PTCD2: variants seen among roughly 807,000 people sequenced by gnomAD.
PTCD2 encodes the protein pentatricopeptide repeat domain 2.
A neutral mutation model predicts 42.6 loss-of-function variants in PTCD2; 31 were observed. The ratio of observed to expected loss-of-function variants is 0.73; its 90% CI spans 0.55 to 0.98. The LOEUF is 0.98. Among genes scored for constraint, PTCD2 ranks in the 50% least tolerant of loss-of-function variants. The pLI, the probability that PTCD2 is intolerant of heterozygous loss-of-function variation, is 0.00. For synonymous variants in PTCD2, 183 were observed against 170.9 expected, an observed-to-expected ratio of 1.07 and a Z score of -0.55; for missense variants, 476 against 454.8, an observed-to-expected ratio of 1.05 and a Z score of -0.42.
intron 8 of PTCD2, among the ~76,000 whole-genome samples, chr5:72,345,700 TC>T (rs1752325052): frequency 2.0e-5 from 3 of 152,376 alleles, no homozygotes; most frequent in South Asian, 2.1e-4. Context: ...GTTCCTGACT[TC>T]CTGCAACAAA....
In PTCD2 at chr5:72,343,015, C is replaced by A; in HGVS notation, c.807C>A (p.Ser269Arg). The part of the protein sequence containing the change: ...SIFSQIMNPE[S>R]IACINLNIII... ...TTTCTCAAATCATGAATCCAGAAAG[C>A]ATAGCCTGCATTAATTTAAATGTAA... The change falls in exon 8 of 10, where the codon AGC (serine) becomes AGA (arginine). Residue 269 changes from serine to arginine, a missense_variant. Physicochemically the swap from Ser to Arg is moderately radical, Grantham distance 110 (BLOSUM62 -1). Coordinates refer to ENST00000380639, the MANE Select transcript of PTCD2 (RefSeq NM_024754.5). The A allele has an allele frequency of 6.3e-7, 1 of 1,591,908 alleles. No homozygotes were observed. The highest frequency in any genetic ancestry group is 8.6e-7 in the Non-Finnish European group (1 of 1,166,942).
intron 8 of PTCD2, among the ~76,000 whole-genome samples, chr5:72,348,622 C>G (rs1752475972): frequency 2.0e-5 from 3 of 152,334 alleles, no homozygotes; most frequent in South Asian, 2.1e-4. Flanking sequence ...AACATAGACC[C>G]TCTTTAGCAA....
rs574481615 is a variant in PTCD2 at position 72,361,324 on chromosome 5, T to C, written c.*2897T>C. 1 of 152,176 alleles carries C rather than the reference T, an allele frequency of 6.6e-6. No individual in the cohort carries two copies. Among genetic ancestry groups the C allele is most frequent in the Non-Finnish European group, 1.5e-5 (1 of 68,030 alleles). The allele number at this position is 152,176 out of a possible 1,614,324, so 9.4% of individuals were successfully genotyped here. On this transcript the variant is annotated 3_prime_UTR_variant, in exon 10 of 10. Transcript: ENST00000380639. ...TCTTATTCGGGTTCTCATGCAGTTA[T>C]AGTCATCATCAGATTGTGGCCGCGA...
intron 4 of PTCD2, among the ~76,000 whole-genome samples, chr5:72,334,739 CG>C (rs1484963802): frequency 1.3e-5 from 2 of 151,894 alleles, no homozygotes; most frequent in Non-Finnish European, 2.9e-5. Flanking sequence ...TTAGTAGAGA[CG>C]GGGTTTCACC....
chr5:72,333,737 A>G (rs1345485081), intron 4 of PTCD2, among the ~76,000 whole-genome samples: 2 of 152,258 alleles, frequency 1.3e-5, no homozygotes, highest in Non-Finnish European at 2.9e-5. Context: ...AAAATTGCCT[A>G]AAGAATAGGT....
At position 72,367,240 on chromosome 5, in the gene PTCD2, A is replaced by G. The variant is rs1166461090; in HGVS notation, c.*8813A>G. ...TCCCATTATCATGAAACTTTAATATATATTGAGACTTCACAGAGCACTAAC... is the reference window on the plus strand; with the variant it reads ...TCCCATTATCATGAAACTTTAATATGTATTGAGACTTCACAGAGCACTAAC... On this transcript the variant is annotated 3_prime_UTR_variant, in exon 10 of 10. Transcript: ENST00000380639. 4 of 152,208 alleles carry G rather than the reference A, an allele frequency of 2.6e-5. No individual in the cohort carries two copies. The highest frequency in any genetic ancestry group is 7.2e-5 in the African/African-American group (3 of 41,448). The allele number at this position is 152,208 out of a possible 1,614,324, so 9.4% of individuals were successfully genotyped here. A position where few individuals can be genotyped will look rare whatever the true frequency, so the allele number is the denominator to read the frequency against.
At chr5:72,331,228 T>C in intron 3 of PTCD2, 30 bp from the exon 4 acceptor site, 2 of 1,401,188 alleles carry the variant, frequency 1.4e-6, no homozygotes, top group Non-Finnish European at 2.0e-6. Context: ...TGTCCTACCT[T>C]TTGGCTCATT....
Position 72,326,709 on chromosome 5 carries a change from C to T in PTCD2, c.318C>T (p.Asp106=). The T allele has an allele frequency of 6.2e-7, 1 of 1,614,000 alleles. No homozygotes were observed. The highest frequency in any genetic ancestry group is 8.5e-7 in the Non-Finnish European group (1 of 1,179,930). ...ITLLHLCESR[D]HVELAKNVIY... ...TACTACATTTGTGTGAGTCTCGGGA[C>T]CATGTGGAACTGGCTAAAAATGTCA... Residue 106 remains aspartate (D), a synonymous_variant, in exon 3 of 10, where the codon GAC becomes GAT. Transcript: ENST00000380639.
At chr5:72,329,543 CT>C (rs1365813425) in intron 3 of PTCD2, among the ~76,000 whole-genome samples, 2 of 151,688 alleles carry the variant, frequency 1.3e-5, no homozygotes, top group Non-Finnish European at 2.9e-5. Flanking sequence ...AAATCAGAAA[CT>C]TTTTTTTTGC....
rs745720728 is a variant in PTCD2 at position 72,320,435 on chromosome 5, T to G, written c.53T>G (p.Leu18Arg). The change falls in exon 1 of 10, where the codon CTG becomes CGG. Residue 18 changes from leucine to arginine, a missense_variant. Coordinates refer to ENST00000380639, the MANE Select transcript of PTCD2 (RefSeq NM_024754.5). ...TTTCGGCCCTCGAATCGAGTTCTCC[T>G]GCAGGCGCTGCAGATTTTGGTGTAT... The part of the protein sequence containing the change: ...AAFRPSNRVL[L>R]QALQILVYPG... 2.5e-6 allele frequency: 4 copies of G among 1,614,186 alleles called. No individual in the cohort carries two copies. The highest frequency in any genetic ancestry group is 2.2e-5 in the East Asian group (1 of 44,864).
At chr5:72,333,423 A>T (rs1250278168) in intron 4 of PTCD2, among the ~76,000 whole-genome samples, 1 of 152,132 alleles carries the variant, frequency 6.6e-6, no homozygotes, top group Non-Finnish European at 1.5e-5. Context: ...CCAGAATTTA[A>T]GCTCTACTAG....
intron 8 of PTCD2, among the ~76,000 whole-genome samples, chr5:72,346,629 A>G (rs1752373109): frequency 6.6e-6 from 1 of 152,210 alleles, no homozygotes; most frequent in African/African-American, 2.4e-5. Flanking sequence ...TGAGCAAGTG[A>G]TACCAGTAAG....
intron 6 of PTCD2, among the ~76,000 whole-genome samples, chr5:72,337,133 G>T (rs1751793813): frequency 6.6e-6 from 1 of 152,098 alleles, no homozygotes; most frequent in Non-Finnish European, 1.5e-5. Context: ...CAAATGAGAT[G>T]GTTAGATTTG....
At chr5:72,336,192 A>G (rs2112165549) in intron 6 of PTCD2, among the ~76,000 whole-genome samples, 1 of 152,226 alleles carries the variant, frequency 6.6e-6, no homozygotes, top group South Asian at 2.1e-4. Flanking sequence ...TGCTAGATCC[A>G]TCTTCCCTGT....
chr5:72,329,324 G>T (rs533756706), intron 3 of PTCD2, among the ~76,000 whole-genome samples: 1 of 152,218 alleles, frequency 6.6e-6, no homozygotes, highest in Non-Finnish European at 1.5e-5. Flanking sequence ...CCGTGGCTGG[G>T]AAAGGAGAGT....
rs1050357930 is a variant in PTCD2, at chr5:72,361,898, G to C, written c.*3471G>C. ...TTCTGGTCTAGTCTCACCTGGTTAGGTGAACTCCCCATGTGCCCCATGTAC... is the reference window on the plus strand; with the variant it reads ...TTCTGGTCTAGTCTCACCTGGTTAGCTGAACTCCCCATGTGCCCCATGTAC... On this transcript the variant is annotated 3_prime_UTR_variant, in exon 10 of 10. Coordinates refer to ENST00000380639, the MANE Select transcript of PTCD2 (RefSeq NM_024754.5). The C allele has an allele frequency of 6.6e-6, 1 of 152,182 alleles. No homozygotes were observed. The highest frequency in any genetic ancestry group is 2.4e-5 in the African/African-American group (1 of 41,414). The allele number at this position is 152,182 out of a possible 1,614,324, so 9.4% of individuals were successfully genotyped here.
At position 72,322,242 on chromosome 5, in the gene PTCD2, A is replaced by G. The variant is rs1356147061; in HGVS notation, c.198A>G (p.Ala66=). The G allele has an allele frequency of 2.5e-6, 4 of 1,594,576 alleles. No homozygotes were observed. The highest frequency in any genetic ancestry group is 2.7e-5 in the African/African-American group (2 of 74,522). ...TTCAACAAAAGAAAGTGGCTGTTGC[A>G]TGTAATCTTTCTGGCACTAAAGGTA... The part of the protein sequence containing the change: ...KEFQQKKVAV[A]CNLSGTKETY... The change falls in exon 2 of 10, where the codon GCA becomes GCG. Residue 66 remains alanine (A), a synonymous_variant. Coordinates refer to ENST00000380639, the MANE Select transcript of PTCD2 (RefSeq NM_024754.5).
At chr5:72,328,062 A>G (rs1372505139) in intron 3 of PTCD2, among the ~76,000 whole-genome samples, 1 of 152,254 alleles carries the variant, frequency 6.6e-6, no homozygotes. Flanking sequence ...ACCAAAAAGT[A>G]GAGAGAAGTA....
intron 6 of PTCD2, among the ~76,000 whole-genome samples, chr5:72,337,129 A>C (rs186332395): frequency 6.6e-6 from 1 of 152,260 alleles, no homozygotes; most frequent in Admixed American, 6.5e-5. Context: ...TTTACAAATG[A>C]GATGGTTAGA....
Sources: allele counts gnomAD v4.1 joint callset (sites outside exome capture counted in the v4.1 genomes callset), GRCh38; gene constraint gnomAD v4.1.1; transcripts MANE v1.5; gene names NCBI Gene and HGNC (gene_info 2026-07-23, HGNC 2026-07-21).